ATP6V0D1: variants seen among roughly 807,000 people sequenced by gnomAD.
ATP6V0D1 encodes the protein ATPase H+ transporting V0 subunit d1.
In ATP6V0D1, 13 loss-of-function variants were observed where a neutral mutation model predicts 39.0. The ratio of observed to expected loss-of-function variants is 0.33; its 90% CI spans 0.22 to 0.53. ATP6V0D1 has a LOEUF of 0.53. Among genes scored for constraint, ATP6V0D1 ranks in the 20% least tolerant of loss-of-function variants. The pLI is 0.94. For synonymous variants in ATP6V0D1, 191 were observed against 191.2 expected, an observed-to-expected ratio of 1.00 and a Z score of 0.01; for missense variants, 272 against 470.9, an observed-to-expected ratio of 0.58 and a Z score of 3.91.
chr16:67,451,495 T>C (rs554335011), intron 2 of ATP6V0D1, among the ~76,000 whole-genome samples: 1 of 152,126 alleles, frequency 6.6e-6, no homozygotes, highest in Non-Finnish European at 1.5e-5. Context: ...GATTCAGCAA[T>C]TTCAGGGGTG....
intron 2 of ATP6V0D1, among the ~76,000 whole-genome samples, chr16:67,449,580 CCATGCCAGACAGCTGCCT>C (rs974857986): frequency 3.9e-5 from 6 of 152,234 alleles, no homozygotes; most frequent in South Asian, 2.1e-4. Flanking sequence ...GCTGTCGGCC[CCATGCCAGACAGCTGCCT>C]CATGCCAGAC....
intron 1 of ATP6V0D1, chr16:67,457,502 G>C: frequency 1.7e-6 from 2 of 1,154,664 alleles, no homozygotes; most frequent in Non-Finnish European, 2.3e-6. Context: ...GCAGAGGGGT[G>C]GGAGAAGCCA....
rs982353109 is a variant in ATP6V0D1, at chr16:67,438,461, GCA to G, written c.*65_*66del. ...TGTCACAGACCACATACACACACAC[GCA>G]CACACACGCGCACACACACACACAC... On this transcript the variant is annotated 3_prime_UTR_variant, in exon 8 of 8. Coordinates refer to ENST00000290949, the MANE Select transcript of ATP6V0D1 (RefSeq NM_004691.5). The G allele has an allele frequency of 6.8e-5, 105 of 1,536,346 alleles. No individual in the cohort carries two copies. Among genetic ancestry groups the G allele is most frequent in the Middle Eastern group, 1.8e-4 (1 of 5,664 alleles).
In ATP6V0D1 at chr16:67,444,207, G is replaced by C. The variant is rs1422897051; in HGVS notation, c.481+321C>G. On this transcript the variant is annotated intron_variant, in intron 3 of 7. Coordinates refer to ENST00000290949, the MANE Select transcript of ATP6V0D1 (RefSeq NM_004691.5). This position sits in a 1 kb window ranked among gnomAD's most constrained non-coding sequence, Gnocchi z 4.8. ...TGTCAGAGCTCTCGGGACTCCAAGGGACTTGGGCCTCTCTCACTCTTCTCC... is the reference window on the plus strand; with the variant it reads ...TGTCAGAGCTCTCGGGACTCCAAGGCACTTGGGCCTCTCTCACTCTTCTCC... Among the ~76,000 whole-genome samples the C allele has an allele frequency of 1.3e-5, 2 of 152,222 alleles. No individual in the cohort carries two copies. Among genetic ancestry groups the C allele is most frequent in the Non-Finnish European group, 2.9e-5 (2 of 68,030 alleles).
In ATP6V0D1 at chr16:67,456,813, C is replaced by A. The variant is rs2041242161; in HGVS notation, c.131-3098G>T. ...TGGGACTGGGAGTCTGGACCCCGGT[C>A]TGGCCTCCTGATCCCTCCCCTCCAA... On this transcript the variant is annotated intron_variant, in intron 1 of 7. Coordinates refer to ENST00000290949, the MANE Select transcript of ATP6V0D1 (RefSeq NM_004691.5). The surrounding 1 kb of genome is among the most constrained non-coding windows in gnomAD (Gnocchi z 4.1). 1.3e-5 allele frequency: 2 copies of A among 152,406 alleles called. No individual in the cohort carries two copies. Among genetic ancestry groups the A allele is most frequent in the African/African-American group, 4.8e-5 (2 of 41,464 alleles). 9.4% of individuals were successfully genotyped at this position (152,406 alleles called of 1,614,324 possible).
intron 1 of ATP6V0D1, among the ~76,000 whole-genome samples, chr16:67,476,773 C>T (rs1212060116): frequency 1.3e-5 from 2 of 152,104 alleles, no homozygotes; most frequent in Non-Finnish European, 2.9e-5. Context: ...TAGTGGCTCA[C>T]ACCTGTAATC....
At position 67,438,348 on chromosome 16, in the gene ATP6V0D1, C is replaced by G; in HGVS notation, c.*180G>C. On this transcript the variant is annotated 3_prime_UTR_variant, in exon 8 of 8. Coordinates refer to ENST00000290949, the MANE Select transcript of ATP6V0D1 (RefSeq NM_004691.5). ...GGGGGTGCCCAGCCCCTTTTCAGGC[C>G]TAAGAACAGTCTCTAAGAGGGTCAG... is the stretch of plus-strand genomic sequence containing the variant. 5.3e-6 allele frequency: 4 copies of G among 748,882 alleles called. No homozygotes were observed. Among genetic ancestry groups the G allele is most frequent in the Non-Finnish European group, 8.4e-6 (4 of 474,062 alleles). 46.4% of individuals were successfully genotyped at this position (748,882 alleles called of 1,614,324 possible).
chr16:67,442,019 CCT>C (rs2041058759), intron 4 of ATP6V0D1, among the ~76,000 whole-genome samples: 1 of 152,274 alleles, frequency 6.6e-6, no homozygotes, highest in Admixed American at 6.5e-5. Context: ...AGACTTCTCC[CCT>C]GTCCATCTGG....
chr16:67,446,826 GA>G (rs2041122304), intron 2 of ATP6V0D1, among the ~76,000 whole-genome samples: 1 of 152,116 alleles, frequency 6.6e-6, no homozygotes. Flanking sequence ...GGAAGAGGGA[GA>G]AAAAGCACAC....
Position 67,453,497 on chromosome 16 carries a change from G to A in ATP6V0D1, c.302+47C>T. On this transcript the variant is annotated intron_variant, in intron 2 of 7. Transcript: ENST00000290949. This position sits in a 1 kb window ranked among gnomAD's most constrained non-coding sequence, Gnocchi z 4.1. ...ACTGAACCCAGCTCCTGCAGGTGTA[G>A]CTATCCTGCCCAGGTAAGAGAAGAA... 6.3e-7 allele frequency: 1 copy of A among 1,599,684 alleles called. No homozygotes were observed. Among genetic ancestry groups the A allele is most frequent in the Non-Finnish European group, 8.5e-7 (1 of 1,169,888 alleles).
At chr16:67,477,863 C>T (rs763891689) in intron 1 of ATP6V0D1, among the ~76,000 whole-genome samples, 1 of 151,910 alleles carries the variant, frequency 6.6e-6, no homozygotes, top group Non-Finnish European at 1.5e-5. Flanking sequence ...TTAGTAGAGA[C>T]GGGGTTTCAC....
chr16:67,442,559 G>GC (rs951032695), intron 4 of ATP6V0D1, among the ~76,000 whole-genome samples: 2 of 151,832 alleles, frequency 1.3e-5, no homozygotes, highest in African/African-American at 2.4e-5. Flanking sequence ...CTCAGGGGTT[G>GC]CCCAGTCTAT....
At position 67,438,327 on chromosome 16, in the gene ATP6V0D1, G is replaced by A. The variant is rs954128940; in HGVS notation, c.*201C>T. ...CTTCGTCCATCCTTGGTGGGGGGGG[G>A]TGCCCAGCCCCTTTTCAGGCCTAAG... On this transcript the variant is annotated 3_prime_UTR_variant, in exon 8 of 8. Transcript: ENST00000290949. 2.2e-5 allele frequency: 14 copies of A among 640,044 alleles called. 1 individual carries two copies. The highest frequency in any genetic ancestry group is 1.4e-4 in the South Asian group (7 of 49,868). 39.6% of individuals were successfully genotyped at this position (640,044 alleles called of 1,614,324 possible).
At chr16:67,465,614 G>C (rs1173346069) in intron 1 of ATP6V0D1, among the ~76,000 whole-genome samples, 29 of 152,248 alleles carry the variant, frequency 1.9e-4, no homozygotes, top group Admixed American at 1.8e-3. Context: ...TGAGCTGCTG[G>C]CATGACCCAG....
chr16:67,444,477 C>T lies in ATP6V0D1; in HGVS notation c.481+51G>A, dbSNP rs564785002. ...CGGGTCCACAAACCCCACCCTGATG[C>T]GCTGATGCTGACACCACTGCCCACC... On this transcript the variant is annotated intron_variant, in intron 3 of 7. Coordinates refer to ENST00000290949, the MANE Select transcript of ATP6V0D1 (RefSeq NM_004691.5). The surrounding 1 kb of genome is among the most constrained non-coding windows in gnomAD (Gnocchi z 4.8). 7 of 1,538,132 alleles carry T rather than the reference C, an allele frequency of 4.6e-6. No homozygotes were observed. Among genetic ancestry groups the T allele is most frequent in the Non-Finnish European group, 6.2e-6 (7 of 1,134,074 alleles).
chr16:67,452,328 G>C, intron 2 of ATP6V0D1: 1 of 1,535,650 alleles, frequency 6.5e-7, no homozygotes, highest in Non-Finnish European at 8.7e-7. Context: ...CATGTTCCCT[G>C]GCCCTTCAGG....
At position 67,453,784 on chromosome 16, in the gene ATP6V0D1, C is replaced by T. The variant is rs1471162188; in HGVS notation, c.131-69G>A. The T allele has an allele frequency of 1.3e-6, 2 of 1,486,594 alleles. No homozygotes were observed. Among genetic ancestry groups the T allele is most frequent in the African/African-American group, 1.4e-5 (1 of 72,406 alleles). 92.1% of individuals were successfully genotyped at this position (1,486,594 alleles called of 1,614,324 possible). A position where few individuals can be genotyped will look rare whatever the true frequency, so the allele number is the denominator to read the frequency against. On this transcript the variant is annotated intron_variant, in intron 1 of 7. Coordinates refer to ENST00000290949, the MANE Select transcript of ATP6V0D1 (RefSeq NM_004691.5). The surrounding 1 kb of genome is among the most constrained non-coding windows in gnomAD (Gnocchi z 4.1). The stretch of plus-strand genomic sequence containing the variant: ...TCCCCAAGGGTCCCAAGTCCCCATC[C>T]CCACCCCAACTCAGCCCCAGCTCTC...
At position 67,439,339 on chromosome 16, in the gene ATP6V0D1, A is replaced by G; in HGVS notation, c.574T>C (p.Ser192Pro). ...RNTLYKAYLE[S>P]FYKFCTLLGG... ...AGTAGGGTGCAGAACTTGTAGAAGG[A>G]CTCCAGGTAGGCCTGTAGAGAGTAT... Residue 192 changes from serine to proline, a missense_variant, in exon 5 of 8, where the codon TCC becomes CCC. Physicochemically the swap from Ser to Pro is moderately conservative, Grantham distance 74. This residue lies in a region of ATP6V0D1 where 135 missense variants were observed against 273.8 expected (regional missense o/e 0.49). Transcript: ENST00000290949. 6.2e-7 allele frequency: 1 copy of G among 1,613,888 alleles called. No individual in the cohort carries two copies. Among genetic ancestry groups the G allele is most frequent in the Non-Finnish European group, 8.5e-7 (1 of 1,179,962 alleles).
At chr16:67,454,266 A>G (rs2041213840) in intron 1 of ATP6V0D1, among the ~76,000 whole-genome samples, 1 of 152,246 alleles carries the variant, frequency 6.6e-6, no homozygotes, top group Admixed American at 6.5e-5. Flanking sequence ...GCAAGAAAGT[A>G]CAAAGGAAAC....
Sources: gnomAD v4.1 joint callset for allele counts (sites outside exome capture counted in the v4.1 genomes callset) on GRCh38, gnomAD v4.1.1 for gene constraint, gnomAD v4.1.1 regional missense constraint, Gnocchi (gnomAD v3.1) non-coding constraint, MANE v1.5 for transcripts, NCBI Gene and HGNC (gene_info 2026-07-23, HGNC 2026-07-21) for gene names.